Variants in TRAPPC9 observed in about 807,000 individuals in gnomAD.
The protein encoded by TRAPPC9 is trafficking protein particle complex subunit 9.
In TRAPPC9, 83 loss-of-function variants were observed where a neutral mutation model predicts 124.0. The ratio of observed to expected loss-of-function variants is 0.67; its 90% CI spans 0.56 to 0.80. The LOEUF is 0.80. TRAPPC9 is among the 30% of genes least tolerant of loss of function. The probability of loss-of-function intolerance (pLI) is 0.00; values close to 1 mark genes in which losing one functional copy is unlikely to be tolerated. For missense variants in TRAPPC9, 1,302 were observed against 1,508.3 expected (o/e 0.86, Z 2.27); for synonymous variants, 638 against 617.5 (o/e 1.03, Z -0.49).
intron 7 of TRAPPC9, among the ~76,000 whole-genome samples, chr8:140,383,993 A>G (rs2068684588): frequency 2.6e-5 from 4 of 152,244 alleles, no homozygotes; most frequent in Admixed American, 2.0e-4. Flanking sequence ...GCCAGAAGAG[A>G]GTAGGGGCCA....
At chr8:140,352,812 T>C (rs899262004) in intron 9 of TRAPPC9, among the ~76,000 whole-genome samples, 6 of 152,170 alleles carry the variant, frequency 3.9e-5, no homozygotes, top group African/African-American at 1.4e-4. Flanking sequence ...GACAGCCCTT[T>C]GGGGTGATTC....
intron 17 of TRAPPC9, among the ~76,000 whole-genome samples, chr8:140,118,158 C>T (rs1428240569): frequency 1.3e-5 from 2 of 152,198 alleles, no homozygotes; most frequent in African/African-American, 2.4e-5. Context: ...ATGAGATGCA[C>T]GTGGGTGGCG....
At position 140,225,383 on chromosome 8, in the gene TRAPPC9, C is replaced by G. The variant is rs546479368; in HGVS notation, c.2432-3800G>C. Among the ~76,000 whole-genome samples, 23 of 152,326 alleles carry G rather than the reference C, an allele frequency of 1.5e-4. 1 individual carries two copies. The highest frequency in any genetic ancestry group is 1.4e-3 in the Admixed American group (22 of 15,306). ...AATAAAAATTCCATCATCCCAAAGTCACATTCAACAACCAACTCCTGGTTA... is the reference window on the plus strand; with the variant it reads ...AATAAAAATTCCATCATCCCAAAGTGACATTCAACAACCAACTCCTGGTTA... On this transcript the variant is annotated intron_variant, in intron 16 of 22. Coordinates refer to ENST00000438773, the MANE Select transcript of TRAPPC9 (RefSeq NM_001160372.4).
intron 21 of TRAPPC9, among the ~76,000 whole-genome samples, chr8:139,793,807 A>G (rs1212767732): frequency 1.3e-5 from 2 of 152,224 alleles, no homozygotes; most frequent in African/African-American, 2.4e-5. Flanking sequence ...CAGACAGTGG[A>G]AAAAGGGCAG....
intron 19 of TRAPPC9, chr8:139,932,851 C>T: frequency 3.4e-6 from 1 of 292,484 alleles, no homozygotes; most frequent in South Asian, 3.3e-5. Flanking sequence ...GATGTCAACT[C>T]ATGCTTATAG....
rs192547781 is a variant in TRAPPC9, at chr8:140,360,547, C to G, written c.1352-354G>C. ...CAAGAAAATACTCATATTTGAAGGG[C>G]CTTCATTATCAACAACCAACAACAT... On this transcript the variant is annotated intron_variant, in intron 8 of 22. Transcript: ENST00000438773. Among the ~76,000 whole-genome samples, 242 of 151,992 alleles carry G rather than the reference C, an allele frequency of 1.6e-3. 1 individual carries two copies. Among genetic ancestry groups the G allele is most frequent in the African/African-American group, 5.7e-3 (237 of 41,466 alleles).
At chr8:140,325,563 C>T (rs2066713670) in intron 9 of TRAPPC9, among the ~76,000 whole-genome samples, 1 of 152,108 alleles carries the variant, frequency 6.6e-6, no homozygotes, top group African/African-American at 2.4e-5. Context: ...TAAAATGACA[C>T]AAGAAAAAAT....
At position 140,451,450 on chromosome 8, in the gene TRAPPC9, G is replaced by A. The variant is rs558874788; in HGVS notation, c.-10-67C>T. The A allele has an allele frequency of 4.4e-6, 6 of 1,372,534 alleles. No individual in the cohort carries two copies. The East Asian group carries it at 1.4e-4, about 33-fold the overall frequency. 85.0% of individuals were successfully genotyped at this position (1,372,534 alleles called of 1,614,324 possible). ...TGAGTGCTGAGAGCCTACCCTGGGA[G>A]GCAGTGACTGTGACCTTCACTACCC... On this transcript the variant is annotated intron_variant, in intron 1 of 22. Coordinates refer to ENST00000438773, the MANE Select transcript of TRAPPC9 (RefSeq NM_001160372.4).
At chr8:139,758,178 G>A (rs1563791512) in intron 21 of TRAPPC9, among the ~76,000 whole-genome samples, 1 of 152,356 alleles carries the variant, frequency 6.6e-6, no homozygotes, top group East Asian at 1.9e-4. Flanking sequence ...TCACCCCTCA[G>A]GGCCGGGATG....
intron 18 of TRAPPC9, among the ~76,000 whole-genome samples, chr8:139,991,040 C>A (rs1199446153): frequency 6.6e-6 from 1 of 152,192 alleles, no homozygotes; most frequent in African/African-American, 2.4e-5. Flanking sequence ...CTGACAGCTG[C>A]CTACAAGAGG....
chr8:140,401,526 G>C (rs1004281241), intron 6 of TRAPPC9, among the ~76,000 whole-genome samples: 2 of 152,082 alleles, frequency 1.3e-5, no homozygotes, highest in Non-Finnish European at 2.9e-5. Flanking sequence ...AGTTTCTATT[G>C]ACGTGAGAAT....
intron 16 of TRAPPC9, among the ~76,000 whole-genome samples, chr8:140,238,899 C>T (rs1202603385): frequency 6.6e-6 from 1 of 152,208 alleles, no homozygotes; most frequent in Non-Finnish European, 1.5e-5. Context: ...CGCCGGGGCT[C>T]CAGCAAACAC....
intron 12 of TRAPPC9, among the ~76,000 whole-genome samples, chr8:140,290,192 G>T (rs1456771210): frequency 1.3e-5 from 2 of 152,126 alleles, no homozygotes; most frequent in African/African-American, 4.8e-5. Context: ...GGACCGACAC[G>T]TGGCAAGAGC....
At chr8:140,189,485 C>T (rs1216107566) in intron 17 of TRAPPC9, among the ~76,000 whole-genome samples, 1 of 152,182 alleles carries the variant, frequency 6.6e-6, no homozygotes, top group East Asian at 1.9e-4. Context: ...TAAAAATAAG[C>T]TTGCATAGGA....
rs1306003247 is a variant in TRAPPC9 at position 139,947,910 on chromosome 8, A to C, written c.2811-37610T>G. On this transcript the variant is annotated intron_variant, in intron 19 of 22. Coordinates refer to ENST00000438773, the MANE Select transcript of TRAPPC9 (RefSeq NM_001160372.4). ...AATATGTGTGTATATATATATATAG[A>C]GAGAGAGAGAGAGCGAGAGAGAGAG... is the stretch of plus-strand genomic sequence containing the variant. Among the ~76,000 whole-genome samples the C allele has an allele frequency of 4.2e-3, 245 of 58,234 alleles. 5 individuals carry two copies. Among genetic ancestry groups the C allele is most frequent in the African/African-American group, 0.014 (228 of 16,266 alleles). 38.2% of individuals were successfully genotyped at this position (58,234 alleles called of 152,430 possible). A position where few individuals can be genotyped will look rare whatever the true frequency, so the allele number is the denominator to read the frequency against.
At chr8:140,375,327 G>C (rs565545977) in intron 7 of TRAPPC9, among the ~76,000 whole-genome samples, 1 of 152,180 alleles carries the variant, frequency 6.6e-6, no homozygotes, top group Non-Finnish European at 1.5e-5. Context: ...AGGTTCCAAC[G>C]AAAGTGGCTC....
At chr8:140,043,161 G>A (rs1456979230) in intron 17 of TRAPPC9, among the ~76,000 whole-genome samples, 1 of 152,232 alleles carries the variant, frequency 6.6e-6, no homozygotes, top group Non-Finnish European at 1.5e-5. Context: ...TGTGCAGTAA[G>A]AAAGGCTGAA....
chr8:140,386,488 G>A (rs929126337), intron 7 of TRAPPC9, among the ~76,000 whole-genome samples: 2 of 152,148 alleles, frequency 1.3e-5, no homozygotes, highest in South Asian at 2.1e-4. Context: ...GAAAATCAAT[G>A]TGCAAAAATC....
At chr8:140,315,702 ATC>A (rs1264349762) in intron 9 of TRAPPC9, among the ~76,000 whole-genome samples, 11 of 152,330 alleles carry the variant, frequency 7.2e-5, no homozygotes, top group African/African-American at 2.6e-4. Flanking sequence ...TATAAATTAT[ATC>A]TTTTTCTGAA....
Sources: allele counts gnomAD v4.1 joint callset (sites outside exome capture counted in the v4.1 genomes callset), GRCh38; gene constraint gnomAD v4.1.1; transcripts MANE v1.5; gene names NCBI Gene and HGNC (gene_info 2026-07-23, HGNC 2026-07-21).